RIMS3: variants seen among roughly 807,000 people sequenced by gnomAD.
RIMS3 encodes regulating synaptic membrane exocytosis 3, also known as regulating synaptic membrane exocytosis protein 3.
A neutral mutation model predicts 29.2 loss-of-function variants in RIMS3; 15 were observed. That is an observed-to-expected ratio of 0.51 (90% CI 0.34 to 0.79). The LOEUF (loss-of-function observed/expected upper bound fraction) is 0.79. Among genes scored for constraint, RIMS3 ranks in the 30% least tolerant of loss-of-function variants. RIMS3 has a pLI of 0.01. For missense variants in RIMS3, 342 were observed against 421.4 expected (o/e 0.81, Z 1.65); for synonymous variants, 161 against 170.1 (o/e 0.95, Z 0.41).
At chr1:40,677,881 C>T in the RIMS3 span, among the ~76,000 whole-genome samples, 5 of 152,150 alleles carry the variant, frequency 3.3e-5, no homozygotes, top group African/African-American at 4.8e-5. Context: ...CATTCATAAT[C>T]TTAACCTGTA....
intron 1 of RIMS3, among the ~76,000 whole-genome samples, chr1:40,664,950 G>A (rs955229159): frequency 6.6e-6 from 1 of 152,078 alleles, no homozygotes; most frequent in East Asian, 1.9e-4. Context: ...GGGTGGAGGG[G>A]GTCCTCTGGA....
At chr1:40,630,445 G>A (rs1646482628) in intron 5 of RIMS3, among the ~76,000 whole-genome samples, 1 of 152,196 alleles carries the variant, frequency 6.6e-6, no homozygotes, top group Non-Finnish European at 1.5e-5. Flanking sequence ...TGGTCCACAA[G>A]AATCAAATGG....
chr1:40,643,431 C>A (rs1438715436), intron 2 of RIMS3, among the ~76,000 whole-genome samples: 3 of 151,066 alleles, frequency 2.0e-5, no homozygotes, highest in African/African-American at 7.3e-5. Context: ...CCGGGCCTGG[C>A]TTCTTTCCTC....
upstream of RIMS3, among the ~76,000 whole-genome samples, chr1:40,666,637 T>A (rs1642429714): frequency 6.6e-6 from 1 of 152,166 alleles, no homozygotes; most frequent in Non-Finnish European, 1.5e-5. Context: ...TGGGCTCCAG[T>A]GTTTTGAATT....
At position 40,625,954 on chromosome 1, in the gene RIMS3, G is replaced by A. The variant is rs1157883553; in HGVS notation, c.*563C>T. ...GAAGAGCTGCCGGAGCGGCTCCAGT[G>A]GGGTGGGGTTCCCAGAGGGCCCTCA... On this transcript the variant is annotated 3_prime_UTR_variant, in exon 8 of 8. Coordinates refer to ENST00000372684, the MANE Select transcript of RIMS3 (RefSeq NM_014747.3). 1 of 170,260 alleles carries A rather than the reference G, an allele frequency of 5.9e-6. No individual in the cohort carries two copies. Among genetic ancestry groups the A allele is most frequent in the Non-Finnish European group, 1.3e-5 (1 of 77,888 alleles). The allele number at this position is 170,260 out of a possible 1,614,324, so 10.5% of individuals were successfully genotyped here. A position where few individuals can be genotyped will look rare whatever the true frequency, so the allele number is the denominator to read the frequency against.
intron 2 of RIMS3, among the ~76,000 whole-genome samples, chr1:40,645,432 C>T (rs1027216115): frequency 6.6e-6 from 1 of 152,168 alleles, no homozygotes; most frequent in Non-Finnish European, 1.5e-5. Context: ...GGACTTGAAC[C>T]CAGGTCTCCT....
chr1:40,680,639 A>G, the RIMS3 span, among the ~76,000 whole-genome samples: 10,787 of 152,202 alleles, frequency 0.071, 700 homozygotes, highest in African/African-American at 0.17. Context: ...GCAGATAAAC[A>G]GATTTTACAC....
rs775855656 is a variant in RIMS3 at position 40,622,131 on chromosome 1, G to A, written c.*4386C>T. Reference sequence around the variant, plus strand: ...ATTAAGCCCTTTATCAGAGAACAAGGTCCCACCATCGGGCATGCCAACATC... The same window carrying A: ...ATTAAGCCCTTTATCAGAGAACAAGATCCCACCATCGGGCATGCCAACATC... On this transcript the variant is annotated 3_prime_UTR_variant, in exon 8 of 8. Transcript: ENST00000372684. The A allele has an allele frequency of 6.6e-6, 1 of 152,560 alleles. No homozygotes were observed. Among genetic ancestry groups the A allele is most frequent in the African/African-American group, 2.4e-5 (1 of 41,408 alleles). The allele number at this position is 152,560 out of a possible 1,614,324, so 9.5% of individuals were successfully genotyped here.
In RIMS3 at chr1:40,624,963, CCTG is replaced by C. The variant is rs1413620335; in HGVS notation, c.*1551_*1553del. 6.6e-6 allele frequency: 1 copy of C among 152,528 alleles called. No individual in the cohort carries two copies. Among genetic ancestry groups the C allele is most frequent in the Non-Finnish European group, 1.5e-5 (1 of 68,156 alleles). 9.4% of individuals were successfully genotyped at this position (152,528 alleles called of 1,614,324 possible). ...AGTGCCTTCCACACACCTCCACTGTCCTGCTGCTTTCTCCCCTACCAGATACAA... is the reference window on the plus strand; with the variant it reads ...AGTGCCTTCCACACACCTCCACTGTCCTGCTTTCTCCCCTACCAGATACAA... On this transcript the variant is annotated 3_prime_UTR_variant, in exon 8 of 8. Transcript: ENST00000372684.
Position 40,622,316 on chromosome 1 carries a change from C to T in RIMS3, c.*4201G>A, listed in dbSNP as rs1381758210. On this transcript the variant is annotated 3_prime_UTR_variant, in exon 8 of 8. Transcript: ENST00000372684. ...CAGTCCAGCCCCCATCAGGGCTCACCTGATTGTGTGGGCTTCCCCTGCTCT... is the reference window on the plus strand; with the variant it reads ...CAGTCCAGCCCCCATCAGGGCTCACTTGATTGTGTGGGCTTCCCCTGCTCT... 6.6e-6 allele frequency: 1 copy of T among 152,638 alleles called. No homozygotes were observed. The highest frequency in any genetic ancestry group is 1.5e-5 in the Non-Finnish European group (1 of 68,102). 9.5% of individuals were successfully genotyped at this position (152,638 alleles called of 1,614,324 possible). A position where few individuals can be genotyped will look rare whatever the true frequency, so the allele number is the denominator to read the frequency against.
chr1:40,683,511 G>C, the RIMS3 span, among the ~76,000 whole-genome samples: 1 of 152,252 alleles, frequency 6.6e-6, no homozygotes, highest in Non-Finnish European at 1.5e-5. Flanking sequence ...GCCCTCACCA[G>C]ATGTCGAGCA....
At chr1:40,632,132 C>T (rs895322650) in intron 5 of RIMS3, among the ~76,000 whole-genome samples, 16 of 152,078 alleles carry the variant, frequency 1.1e-4, no homozygotes, top group Admixed American at 1.0e-3. Flanking sequence ...AATCCTCCAG[C>T]CTCAGCCTCC....
rs1298145111 is a variant in RIMS3, at chr1:40,635,950, C to T, written c.325G>A (p.Asp109Asn). Residue 109 changes from aspartate (D) to asparagine (N), a missense_variant, in exon 4 of 8, where the codon GAT becomes AAT. Physicochemically the swap from Asp to Asn is conservative, Grantham distance 23. Coordinates refer to ENST00000372684, the MANE Select transcript of RIMS3 (RefSeq NM_014747.3). This position sits in a 1 kb window ranked among gnomAD's most constrained non-coding sequence, Gnocchi z 4.1. Reference sequence around the variant, plus strand: ...GAGCTGTTGCTGTTGGTGCTCCCATCGGTGGACTCCCGGCTGCCCTGGCGT... The same window carrying T: ...GAGCTGTTGCTGTTGGTGCTCCCATTGGTGGACTCCCGGCTGCCCTGGCGT... ...VTRQGSREST[D>N]GSTNSNSSDG... 4.3e-6 allele frequency: 7 copies of T among 1,612,576 alleles called. No homozygotes were observed. Among genetic ancestry groups the T allele is most frequent in the Non-Finnish European group, 4.2e-6 (5 of 1,179,978 alleles).
In RIMS3 at chr1:40,623,988, G is replaced by C. The variant is rs1296653156; in HGVS notation, c.*2529C>G. The C allele has an allele frequency of 3.3e-5, 5 of 152,910 alleles. No homozygotes were observed. The allele number at this position is 152,910 out of a possible 1,614,324, so 9.5% of individuals were successfully genotyped here. On this transcript the variant is annotated 3_prime_UTR_variant, in exon 8 of 8. Coordinates refer to ENST00000372684, the MANE Select transcript of RIMS3 (RefSeq NM_014747.3). ...TTTAGAGAGGTGGAATAGTGGAGTG[G>C]CCCAACTGCTGAGCAGTTTTGGCAG... is the stretch of plus-strand genomic sequence containing the variant.
the RIMS3 span, among the ~76,000 whole-genome samples, chr1:40,686,248 T>C: frequency 6.6e-6 from 1 of 152,224 alleles, no homozygotes; most frequent in African/African-American, 2.4e-5. Context: ...AATGTGCCAC[T>C]TGTAATTCGA....
At chr1:40,669,592 G>A (rs1356105948), upstream of RIMS3, 1 of 152,236 alleles carries the variant, frequency 6.6e-6, no homozygotes, top group Admixed American at 6.5e-5. Flanking sequence ...CAGAGGAGAC[G>A]TCCTCCAAGC....
At chr1:40,676,931 C>A in the RIMS3 span, among the ~76,000 whole-genome samples, 2 of 152,106 alleles carry the variant, frequency 1.3e-5, no homozygotes, top group Non-Finnish European at 2.9e-5. Flanking sequence ...TCCCTCTACC[C>A]CCTTAGGACA....
intron 3 of RIMS3, among the ~76,000 whole-genome samples, chr1:40,638,871 T>C (rs369369000): frequency 3.3e-4 from 50 of 152,250 alleles, no homozygotes; most frequent in African/African-American, 1.2e-3. Context: ...GAAAAGTAAA[T>C]TTCCCGAGGT....
At chr1:40,630,278 CA>C (rs993849491) in intron 5 of RIMS3, among the ~76,000 whole-genome samples, 52 of 152,100 alleles carry the variant, frequency 3.4e-4, no homozygotes, top group African/African-American at 1.2e-3. Flanking sequence ...ATGGATTATC[CA>C]GCCGGGGCAA....
Sources: allele counts gnomAD v4.1 joint callset (sites outside exome capture counted in the v4.1 genomes callset), GRCh38; gene constraint gnomAD v4.1.1; non-coding constraint Gnocchi (gnomAD v3.1); transcripts MANE v1.5; gene names NCBI Gene and HGNC (gene_info 2026-07-23, HGNC 2026-07-21).